Variants in CFAP74 observed in about 807,000 individuals in gnomAD.
CFAP74 encodes the protein cilia- and flagella-associated protein 74.
Under a neutral mutation model 188.9 loss-of-function variants are expected in CFAP74, and 124 were observed. That is an observed-to-expected ratio of 0.66 (90% confidence interval 0.57 to 0.76). The LOEUF (loss-of-function observed/expected upper bound fraction) is 0.76. CFAP74 is among the 30% of genes least tolerant of loss of function. The probability of loss-of-function intolerance (pLI) is 0.00; values close to 1 mark genes in which losing one functional copy is unlikely to be tolerated. For missense variants in CFAP74, 2,198 were observed against 2,165.2 expected (o/e 1.02, Z -0.30); for synonymous variants, 956 against 916.7 (o/e 1.04, Z -0.77).
rs1452290482 is a variant in CFAP74, at chr1:1,933,423, G to A, written c.3012-3087C>T. Among the ~76,000 whole-genome samples, 5 of 151,996 alleles carry A rather than the reference G, an allele frequency of 3.3e-5. No individual in the cohort carries two copies. The South Asian group carries it at 6.2e-4, about 19-fold the overall frequency. On this transcript the variant is annotated intron_variant, in intron 25 of 38. Coordinates refer to ENST00000682832, the MANE Select transcript of CFAP74 (RefSeq NM_001304360.2). ...TCAAACTCCTGACCTCAGGTGATCC[G>A]CCCGCCTCGGCCTCCCAAAGTGCTG... is the stretch of plus-strand genomic sequence containing the variant.
rs1482540041 is a variant in CFAP74, at chr1:1,923,588, C to G, written c.4390-89G>C. The G allele has an allele frequency of 5.2e-6, 8 of 1,552,826 alleles. No individual in the cohort carries two copies. In the African/African-American group the frequency reaches 9.6e-5, roughly 19 times the overall value. On this transcript the variant is annotated intron_variant, in intron 35 of 38. Coordinates refer to ENST00000682832, the MANE Select transcript of CFAP74 (RefSeq NM_001304360.2). The surrounding 1 kb of genome is among the most constrained non-coding windows in gnomAD (Gnocchi z 6.3). ...AGCTGGGCTGGCTCAGGGAAGGAAG[C>G]AGGGACGGCCTGGGGGCCCCGTGGG...
intron 6 of CFAP74, among the ~76,000 whole-genome samples, chr1:1,983,083 C>A (rs1657010640): frequency 6.6e-6 from 1 of 152,162 alleles, no homozygotes; most frequent in Non-Finnish European, 1.5e-5. Flanking sequence ...TCCTGATGGG[C>A]CGGATCATAC....
At position 1,926,439 on chromosome 1, in the gene CFAP74, C is replaced by T. The variant is rs1483946054; in HGVS notation, c.3828+18G>A. 1.9e-6 allele frequency: 3 copies of T among 1,550,162 alleles called. No individual in the cohort carries two copies. The highest frequency in any genetic ancestry group is 2.0e-5 in the Admixed American group (1 of 50,984). On this transcript the variant is annotated intron_variant, in intron 31 of 38. Coordinates refer to ENST00000682832, the MANE Select transcript of CFAP74 (RefSeq NM_001304360.2). ...GCTCCCACCCCGCAGGCCGCCTGAG[C>T]TGGGTGGACAAGGACACGGCCAGAT...
chr1:1,924,744 C>T (rs540510533), intron 33 of CFAP74, among the ~76,000 whole-genome samples: 10 of 152,332 alleles, frequency 6.6e-5, no homozygotes, highest in African/African-American at 2.4e-4. Flanking sequence ...GCTTCCCTGC[C>T]TAGGGTGCGT....
intron 6 of CFAP74, chr1:1,985,171 T>G: frequency 8.1e-6 from 4 of 493,888 alleles, no homozygotes; most frequent in Non-Finnish European, 1.5e-5. Context: ...GATTTTGGAG[T>G]TCCTAGGAAC....
In CFAP74 at chr1:1,963,731, TC is replaced by T; in HGVS notation, c.1694+17del. ...TGTCCCTGCACCGCGTCCCTCCCTG[TC>T]TGAGCCGTCCTCTTACTCAACGTGG... On this transcript the variant is annotated intron_variant, in intron 14 of 38. Coordinates refer to ENST00000682832, the MANE Select transcript of CFAP74 (RefSeq NM_001304360.2). 1 of 1,551,530 alleles carries T rather than the reference TC, an allele frequency of 6.4e-7. No individual in the cohort carries two copies. Among genetic ancestry groups the T allele is most frequent in the Non-Finnish European group, 8.9e-7 (1 of 1,124,484 alleles).
chr1:1,969,028 C>T (rs1655692590), intron 10 of CFAP74, among the ~76,000 whole-genome samples, 195 bp from the exon 11 acceptor site: 2 of 152,088 alleles, frequency 1.3e-5, no homozygotes, highest in Admixed American at 1.3e-4. Flanking sequence ...CAGCAGGGCT[C>T]TTGGGGTGGG....
At chr1:1,946,585 G>T in intron 19 of CFAP74, 146 bp from the exon 20 acceptor site, 2 of 1,025,544 alleles carry the variant, frequency 2.0e-6, no homozygotes, top group Non-Finnish European at 2.8e-6. Context: ...GATGTCCTGG[G>T]CCTGGCCCAG....
intron 12 of CFAP74, among the ~76,000 whole-genome samples, 184 bp from the exon 13 acceptor site, chr1:1,965,245 G>C (rs966468006): frequency 7.1e-6 from 1 of 141,372 alleles, no homozygotes; most frequent in African/African-American, 2.7e-5. Flanking sequence ...GCTCAGAAAG[G>C]CCCTGGGGAC....
chr1:1,971,171 ACCTG>A (rs1655998052), intron 9 of CFAP74, among the ~76,000 whole-genome samples: 1 of 151,484 alleles, frequency 6.6e-6, no homozygotes, highest in Non-Finnish European at 1.5e-5. Context: ...ACACATGCAC[ACCTG>A]CACACACGTG....
intron 13 of CFAP74, among the ~76,000 whole-genome samples, chr1:1,964,240 T>A (rs2102069657): frequency 6.6e-6 from 1 of 152,164 alleles, no homozygotes; most frequent in East Asian, 1.9e-4. Flanking sequence ...TCTTGCAGAG[T>A]TTGGCAGAGG....
chr1:1,974,261 G>T, intron 6 of CFAP74, 63 bp from the exon 7 acceptor site: 2 of 1,488,226 alleles, frequency 1.3e-6, no homozygotes, highest in South Asian at 1.3e-5. Flanking sequence ...TGGGGGTTTC[G>T]GCATTGAGTT....
At chr1:1,941,067 A>T (rs997783805) in intron 22 of CFAP74, among the ~76,000 whole-genome samples, 2 of 152,090 alleles carry the variant, frequency 1.3e-5, no homozygotes, top group Admixed American at 6.6e-5. Flanking sequence ...GAGCCGAGAT[A>T]GTGCCACTGC....
chr1:1,978,975 G>T (rs1376165715), intron 6 of CFAP74, among the ~76,000 whole-genome samples: 2 of 152,024 alleles, frequency 1.3e-5, no homozygotes, highest in Non-Finnish European at 2.9e-5. Flanking sequence ...AGCTGGGCGT[G>T]GGAAGGCGTC....
chr1:1,937,844 CCAGG>C (rs1653006265), intron 25 of CFAP74, among the ~76,000 whole-genome samples: 1 of 32,192 alleles, frequency 3.1e-5, no homozygotes, highest in Admixed American at 4.4e-4. Flanking sequence ...ATTTACAACA[CCAGG>C]TCCACCTCTG....
At chr1:1,954,197 C>G (rs1654379881) in intron 18 of CFAP74, 1 of 152,314 alleles carries the variant, frequency 6.6e-6, no homozygotes, top group Admixed American at 6.5e-5. Context: ...GCCGTGTGAC[C>G]TCGTGCTCCT....
At chr1:1,978,266 G>A (rs1656578215) in intron 6 of CFAP74, among the ~76,000 whole-genome samples, 1 of 152,224 alleles carries the variant, frequency 6.6e-6, no homozygotes, top group Non-Finnish European at 1.5e-5. Flanking sequence ...ACTGCGCGGG[G>A]GCCTGGCAGG....
intron 30 of CFAP74, 48 bp from the exon 31 acceptor site, chr1:1,926,560 G>C (rs1487948448): frequency 1.3e-6 from 2 of 1,548,420 alleles, no homozygotes; most frequent in Admixed American, 2.0e-5. Flanking sequence ...GCCCCAGGGA[G>C]CGTCTCTGCC....
Position 1,988,192 on chromosome 1 carries a change from A to C in CFAP74, c.296+320T>G, listed in dbSNP as rs868241670. On this transcript the variant is annotated intron_variant, in intron 4 of 38. Transcript: ENST00000682832. The stretch of plus-strand genomic sequence containing the variant: ...GATTTGCTTTAACATAATTTAGCAC[A>C]AAATCCCATAGATATAAAATACAAA... The C allele has an allele frequency of 1.2e-4, 66 of 553,128 alleles. No individual in the cohort carries two copies. The Middle Eastern group carries it at 2.0e-3, about 17-fold the overall frequency. The allele number at this position is 553,128 out of a possible 1,614,324, so 34.3% of individuals were successfully genotyped here.
Sources: gnomAD v4.1 joint callset for allele counts (sites outside exome capture counted in the v4.1 genomes callset) on GRCh38, gnomAD v4.1.1 for gene constraint, Gnocchi (gnomAD v3.1) non-coding constraint, MANE v1.5 for transcripts, NCBI Gene and HGNC (gene_info 2026-07-23, HGNC 2026-07-21) for gene names.